The following XPR1 variants were observed in gnomAD, a reference collection of about 807,000 sequenced individuals.
The protein encoded by XPR1 is solute carrier family 53 member 1.
In XPR1, 28 loss-of-function variants were observed where a neutral mutation model predicts 87.5. That is an observed-to-expected ratio of 0.32 (90% CI 0.24 to 0.44). The LOEUF (loss-of-function observed/expected upper bound fraction) is 0.44, where lower values mean the gene tolerates loss of function less well. Ranked by LOEUF, XPR1 falls within the 20% of genes least tolerant of loss-of-function variation. The pLI is 1.00. For synonymous variants in XPR1, 300 were observed against 306.1 expected, an observed-to-expected ratio of 0.98 and a Z score of 0.21; for missense variants, 559 against 862.3, an observed-to-expected ratio of 0.65 and a Z score of 4.41.
At chr1:180,834,153 C>T (rs990964005) in intron 9 of XPR1, among the ~76,000 whole-genome samples, 2 of 151,692 alleles carry the variant, frequency 1.3e-5, no homozygotes, top group Admixed American at 6.6e-5. Context: ...ATGATCTCGG[C>T]TCAGTGCAAC....
chr1:180,726,341 G>T (rs570230501), intron 2 of XPR1, among the ~76,000 whole-genome samples: 2 of 152,272 alleles, frequency 1.3e-5, no homozygotes, highest in Middle Eastern at 3.4e-3. Flanking sequence ...CCATGCTGTG[G>T]AAGCTTTGTT....
chr1:180,686,638 T>C (rs1051647596), intron 2 of XPR1, among the ~76,000 whole-genome samples: 1 of 152,152 alleles, frequency 6.6e-6, no homozygotes, highest in Non-Finnish European at 1.5e-5. Context: ...ATCAGGTTTT[T>C]AAAATGAGAG....
At position 180,743,759 on chromosome 1, in the gene XPR1, A is replaced by T. The variant is rs114521576; in HGVS notation, c.122-43994A>T. On this transcript the variant is annotated intron_variant, in intron 2 of 14. Coordinates refer to ENST00000367590, the MANE Select transcript of XPR1 (RefSeq NM_004736.4). ...CATTCCTGAAGGATGTTTTCAATGGATATGTATTCTGGGCTGACAGTTCTT... is the reference window on the plus strand; with the variant it reads ...CATTCCTGAAGGATGTTTTCAATGGTTATGTATTCTGGGCTGACAGTTCTT... Among the ~76,000 whole-genome samples, 695 of 152,182 alleles carry T rather than the reference A, an allele frequency of 4.6e-3. 12 individuals carry two copies. Among genetic ancestry groups the T allele is most frequent in the African/African-American group, 0.016 (672 of 41,542 alleles).
intron 1 of XPR1, among the ~76,000 whole-genome samples, chr1:180,644,369 A>G (rs1049369734): frequency 1.4e-5 from 2 of 138,780 alleles, no homozygotes; most frequent in Admixed American, 7.1e-5. Context: ...TCCTTTTCCT[A>G]TACTTTTAAT....
At chr1:180,771,749 A>T (rs562662186) in intron 2 of XPR1, among the ~76,000 whole-genome samples, 1 of 152,180 alleles carries the variant, frequency 6.6e-6, no homozygotes, top group East Asian at 1.9e-4. Context: ...TTTGTCAAGA[A>T]TACCAGAGAA....
chr1:180,662,071 A>G (rs980450460), intron 1 of XPR1, among the ~76,000 whole-genome samples: 1 of 152,148 alleles, frequency 6.6e-6, no homozygotes, highest in African/African-American at 2.4e-5. Context: ...ATTTTTGATC[A>G]GTTCATCTTT....
chr1:180,748,706 C>T (rs368556357), intron 2 of XPR1, among the ~76,000 whole-genome samples: 62 of 152,064 alleles, frequency 4.1e-4, no homozygotes, highest in African/African-American at 1.3e-3. Flanking sequence ...CATGAGCCAC[C>T]GTGCTCGGCC....
chr1:180,783,996 A>C (rs189272995), intron 2 of XPR1, among the ~76,000 whole-genome samples: 2 of 151,988 alleles, frequency 1.3e-5, no homozygotes, highest in East Asian at 3.9e-4. Flanking sequence ...TGTAGGTTGC[A>C]GTGAGCCGAG....
chr1:180,721,923 C>G (rs1658190926), intron 2 of XPR1, among the ~76,000 whole-genome samples: 1 of 152,010 alleles, frequency 6.6e-6, no homozygotes, highest in Admixed American at 6.6e-5. Flanking sequence ...ACTAAGGCTT[C>G]TGGTCAGCAG....
chr1:180,727,630 G>A (rs1247740986), intron 2 of XPR1, among the ~76,000 whole-genome samples: 1 of 152,184 alleles, frequency 6.6e-6, no homozygotes, highest in East Asian at 1.9e-4. Flanking sequence ...GGTGGCAAGA[G>A]TGAAACTCCA....
chr1:180,710,343 C>G (rs1657719445), intron 2 of XPR1, among the ~76,000 whole-genome samples: 1 of 152,018 alleles, frequency 6.6e-6, no homozygotes. Context: ...GCAGAGGACC[C>G]TGGGGCCTTC....
intron 6 of XPR1, among the ~76,000 whole-genome samples, chr1:180,807,573 G>A (rs1481262165): frequency 6.6e-6 from 1 of 152,108 alleles, no homozygotes; most frequent in Non-Finnish European, 1.5e-5. Context: ...TGAGAGAGAT[G>A]CTATGTTCAT....
chr1:180,656,852 A>G (rs1655550387), intron 1 of XPR1, among the ~76,000 whole-genome samples: 1 of 151,114 alleles, frequency 6.6e-6, no homozygotes, highest in African/African-American at 2.4e-5. Flanking sequence ...CCAGGTATAT[A>G]CCTAGCAGTG....
chr1:180,698,203 T>C (rs1397582000), intron 2 of XPR1, among the ~76,000 whole-genome samples: 1 of 152,174 alleles, frequency 6.6e-6, no homozygotes, highest in Admixed American at 6.5e-5. Flanking sequence ...CTTTGTCTCA[T>C]TTTACAGTTT....
intron 1 of XPR1, among the ~76,000 whole-genome samples, chr1:180,656,370 TTA>T (rs1200387571): frequency 9.3e-6 from 1 of 107,766 alleles, no homozygotes; most frequent in South Asian, 2.5e-4. Flanking sequence ...TATATAATAT[TTA>T]TATATAATAT....
intron 1 of XPR1, among the ~76,000 whole-genome samples, chr1:180,640,237 A>G (rs1324827041): frequency 1.3e-5 from 2 of 152,198 alleles, no homozygotes; most frequent in Non-Finnish European, 2.9e-5. Context: ...TTGCTTTTAT[A>G]TGGAAATTGT....
At chr1:180,806,404 G>T in intron 5 of XPR1, 70 bp from the exon 6 acceptor site, 2 of 1,542,920 alleles carry the variant, frequency 1.3e-6, no homozygotes, top group Middle Eastern at 1.7e-4. Flanking sequence ...TATATAAATG[G>T]TACAGAATTA....
intron 1 of XPR1, among the ~76,000 whole-genome samples, chr1:180,663,609 G>A (rs1173019084): frequency 6.6e-6 from 1 of 152,168 alleles, no homozygotes; most frequent in East Asian, 1.9e-4. Flanking sequence ...GCGCAACACT[G>A]GATGTTTCTG....
chr1:180,793,295 GTTT>G (rs1378185001), intron 3 of XPR1, among the ~76,000 whole-genome samples: 1 of 152,002 alleles, frequency 6.6e-6, no homozygotes, highest in Non-Finnish European at 1.5e-5. Context: ...CTTGCTGTAT[GTTT>G]TTATTATTGA....
Sources: allele counts gnomAD v4.1 joint callset (sites outside exome capture counted in the v4.1 genomes callset), GRCh38; gene constraint gnomAD v4.1.1; transcripts MANE v1.5; gene names NCBI Gene and HGNC (gene_info 2026-07-23, HGNC 2026-07-21).